PRKG1: variants seen among roughly 807,000 people sequenced by gnomAD.
PRKG1 encodes the protein cGMP-dependent protein kinase 1.
Under a neutral mutation model 88.1 loss-of-function variants are expected in PRKG1, and 35 were observed. That is an observed-to-expected ratio of 0.40 (90% confidence interval 0.30 to 0.53). The LOEUF is 0.53. Among genes scored for constraint, PRKG1 ranks in the 20% least tolerant of loss-of-function variants. The probability of loss-of-function intolerance (pLI) is 0.59; values close to 1 mark genes in which losing one functional copy is unlikely to be tolerated. For synonymous variants in PRKG1, 303 were observed against 292.5 expected, an observed-to-expected ratio of 1.04 and a Z score of -0.37; for missense variants, 540 against 839.8, an observed-to-expected ratio of 0.64 and a Z score of 4.41.
intron 7 of PRKG1, among the ~76,000 whole-genome samples, chr10:52,064,371 CAG>C: frequency 6.6e-6 from 1 of 152,322 alleles, no homozygotes; most frequent in East Asian, 1.9e-4. Context: ...GAGCCAAAAA[CAG>C]AGAGAAGCCA....
chr10:52,242,218 T>G (rs976903982), intron 9 of PRKG1: 1 of 152,116 alleles, frequency 6.6e-6, no homozygotes, highest in Non-Finnish European at 1.5e-5. Flanking sequence ...GCCATAATAG[T>G]CACCAACTCT....
chr10:51,015,062 G>C (rs1226576976), intron 1 of PRKG1, among the ~76,000 whole-genome samples: 1 of 152,146 alleles, frequency 6.6e-6, no homozygotes, highest in Non-Finnish European at 1.5e-5. Flanking sequence ...CCATTACTAA[G>C]AAATTCAGCA....
chr10:52,106,350 A>G (rs1483529624), intron 7 of PRKG1, among the ~76,000 whole-genome samples: 7 of 152,178 alleles, frequency 4.6e-5, no homozygotes, highest in Non-Finnish European at 1.0e-4. Context: ...AACAGTGAAC[A>G]GTTTTGTTAC....
chr10:51,695,091 A>G (rs993322586), intron 3 of PRKG1, among the ~76,000 whole-genome samples: 1 of 152,058 alleles, frequency 6.6e-6, no homozygotes, highest in African/African-American at 2.4e-5. Flanking sequence ...TCCTGTTCCC[A>G]TCTGTGAATA....
intron 2 of PRKG1, among the ~76,000 whole-genome samples, chr10:51,433,884 C>T (rs1170049187): frequency 6.6e-6 from 1 of 152,078 alleles, no homozygotes; most frequent in East Asian, 1.9e-4. Flanking sequence ...ATTGCTTTAT[C>T]ATTTGGAAGT....
intron 2 of PRKG1, among the ~76,000 whole-genome samples, chr10:51,200,349 AAC>A (rs1233568243): frequency 6.6e-6 from 1 of 152,234 alleles, no homozygotes; most frequent in African/African-American, 2.4e-5. Context: ...GATGTTCAAT[AAC>A]AGTTTGCTAA....
At chr10:51,246,539 G>A (rs1040563015) in intron 2 of PRKG1, among the ~76,000 whole-genome samples, 7 of 131,022 alleles carry the variant, frequency 5.3e-5, no homozygotes, top group African/African-American at 2.2e-4. Flanking sequence ...GGCCAGGTAA[G>A]CCCAAAATGT....
rs1843121630 is a variant in PRKG1, at chr10:51,020,534, T to C, written c.266+28890T>C. 2.0e-5 allele frequency among the ~76,000 whole-genome samples: 3 copies of C among 152,200 alleles called. No individual in the cohort carries two copies. The South Asian group carries it at 6.2e-4, about 32-fold the overall frequency. ...GGAGGGGTGTGTCTGTTATAATGTC[T>C]GTATTTTAAATAATGCTTTAAAAAT... On this transcript the variant is annotated intron_variant, in intron 1 of 17. Transcript: ENST00000401604.
chr10:51,167,476 T>C (rs1246358530), intron 2 of PRKG1, among the ~76,000 whole-genome samples: 2 of 151,720 alleles, frequency 1.3e-5, no homozygotes, highest in Non-Finnish European at 2.9e-5. Flanking sequence ...ATTAGAGGAG[T>C]TTAAGTTGAG....
intron 7 of PRKG1, among the ~76,000 whole-genome samples, chr10:52,126,741 G>A (rs1847940079): frequency 1.3e-5 from 2 of 152,066 alleles, no homozygotes; most frequent in Non-Finnish European, 2.9e-5. Flanking sequence ...GAAATAGAAG[G>A]TTCTTAGAAG....
intron 5 of PRKG1, among the ~76,000 whole-genome samples, chr10:51,997,016 C>T (rs1844462965): frequency 6.6e-6 from 1 of 151,926 alleles, no homozygotes; most frequent in African/African-American, 2.4e-5. Context: ...ATAAGCCTGG[C>T]ACAGAAAAAA....
At chr10:51,948,320 T>C (rs2133046965) in intron 5 of PRKG1, among the ~76,000 whole-genome samples, 1 of 152,294 alleles carries the variant, frequency 6.6e-6, no homozygotes, top group Admixed American at 6.5e-5. Context: ...AGTATATATA[T>C]ACTGTTTATT....
chr10:51,215,802 C>T (rs772112321), intron 2 of PRKG1, among the ~76,000 whole-genome samples: 4 of 152,152 alleles, frequency 2.6e-5, no homozygotes, highest in African/African-American at 4.8e-5. Context: ...GGAAATTCCT[C>T]TATATACAGA....
At chr10:51,116,656 G>A (rs1051857705) in intron 1 of PRKG1, among the ~76,000 whole-genome samples, 2 of 152,186 alleles carry the variant, frequency 1.3e-5, no homozygotes, top group African/African-American at 4.8e-5. Context: ...AGGAAAGGCA[G>A]GAACTGGTGG....
intron 2 of PRKG1, among the ~76,000 whole-genome samples, chr10:51,200,086 G>T (rs1437364482): frequency 1.3e-5 from 2 of 152,192 alleles, no homozygotes; most frequent in Non-Finnish European, 2.9e-5. Flanking sequence ...CAAAGTGGTG[G>T]CATGTGGGCT....
chr10:52,150,183 A>AATTATTATTATTATTATTATTATT (rs60620444), intron 8 of PRKG1, among the ~76,000 whole-genome samples: 7 of 147,976 alleles, frequency 4.7e-5, no homozygotes, highest in African/African-American at 1.7e-4. Context: ...TAATAATAAT[A>AATTATTATTATTATTATTATTATT]ATTTGATTGG....
chr10:51,707,232 C>T (rs16921743), intron 3 of PRKG1, among the ~76,000 whole-genome samples: 1 of 152,056 alleles, frequency 6.6e-6, no homozygotes, highest in Admixed American at 6.6e-5. Context: ...AATATGTAGT[C>T]GGCTAGAATT....
chr10:51,625,980 A>G (rs941712047), intron 3 of PRKG1, among the ~76,000 whole-genome samples: 1 of 152,306 alleles, frequency 6.6e-6, no homozygotes. Context: ...AGAACCGCTT[A>G]ACACTAATAC....
chr10:52,212,824 T>C (rs1369262090), intron 9 of PRKG1, among the ~76,000 whole-genome samples: 1 of 152,200 alleles, frequency 6.6e-6, no homozygotes, highest in African/African-American at 2.4e-5. Flanking sequence ...CTGTTAGATA[T>C]TGTTTTTCGC....
Sources: gnomAD v4.1 joint callset for allele counts (sites outside exome capture counted in the v4.1 genomes callset) on GRCh38, gnomAD v4.1.1 for gene constraint, MANE v1.5 for transcripts, NCBI Gene and HGNC (gene_info 2026-07-23, HGNC 2026-07-21) for gene names.